Variants in ATRN observed in about 807,000 individuals in gnomAD.
ATRN encodes attractin-2.
A neutral mutation model predicts 178.7 loss-of-function variants in ATRN; 54 were observed. That is an observed-to-expected ratio of 0.30 (90% CI 0.24 to 0.38). ATRN has a LOEUF of 0.38. Among genes scored for constraint, ATRN ranks in the 10% least tolerant of loss-of-function variants. The pLI is 1.00. For missense variants in ATRN, 1,443 were observed against 1,815.1 expected (o/e 0.79, Z 3.73); for synonymous variants, 636 against 663.0 (o/e 0.96, Z 0.63).
Position 3,491,505 on chromosome 20 carries a change from G to T in ATRN, c.410+19988G>T, listed in dbSNP as rs544890200. Among the ~76,000 whole-genome samples, 11 of 152,218 alleles carry T rather than the reference G, an allele frequency of 7.2e-5. 1 individual carries two copies. The South Asian group carries it at 2.3e-3, about 32-fold the overall frequency. ...TCATTTGCAGACTTTGTCTTCTTCTGGCTTCTAAAAGTTAGAGTTCTTCTG... is the reference window on the plus strand; with the variant it reads ...TCATTTGCAGACTTTGTCTTCTTCTTGCTTCTAAAAGTTAGAGTTCTTCTG... On this transcript the variant is annotated intron_variant, in intron 1 of 28. Coordinates refer to ENST00000262919, the MANE Select transcript of ATRN (RefSeq NM_139321.3).
chr20:3,541,618 A>T (rs1002848202), intron 3 of ATRN, among the ~76,000 whole-genome samples: 1 of 152,202 alleles, frequency 6.6e-6, no homozygotes, highest in Admixed American at 6.5e-5. Context: ...AAGTATTTGT[A>T]TATCTAAACA....
chr20:3,501,003 G>A (rs2084956465), intron 1 of ATRN, among the ~76,000 whole-genome samples: 1 of 152,002 alleles, frequency 6.6e-6, no homozygotes, highest in African/African-American at 2.4e-5. Context: ...TCTTTCAAAT[G>A]ACTTTGAAAC....
intron 25 of ATRN, among the ~76,000 whole-genome samples, chr20:3,624,903 G>A (rs971896992): frequency 1.3e-5 from 2 of 152,114 alleles, no homozygotes; most frequent in Admixed American, 1.3e-4. Flanking sequence ...ATTAATAATG[G>A]TTACTGATGT....
intron 24 of ATRN, among the ~76,000 whole-genome samples, chr20:3,619,161 C>T (rs1195441309): frequency 6.6e-6 from 1 of 152,210 alleles, no homozygotes; most frequent in Non-Finnish European, 1.5e-5. Context: ...GGAAAGACTT[C>T]ACCTCACAGG....
intron 24 of ATRN, among the ~76,000 whole-genome samples, chr20:3,623,127 G>A (rs566098786): frequency 6.6e-6 from 1 of 152,278 alleles, no homozygotes; most frequent in African/African-American, 2.4e-5. Context: ...CTCTCTTTAT[G>A]TGTTATAACT....
At chr20:3,487,699 G>T (rs541163785) in intron 1 of ATRN, among the ~76,000 whole-genome samples, 81 of 152,228 alleles carry the variant, frequency 5.3e-4, no homozygotes, top group African/African-American at 1.8e-3. Flanking sequence ...ATCTTTGGGG[G>T]TATTCTGACC....
intron 25 of ATRN, among the ~76,000 whole-genome samples, chr20:3,626,152 A>C (rs1165399532): frequency 6.6e-6 from 1 of 150,522 alleles, no homozygotes; most frequent in African/African-American, 2.5e-5. Context: ...GAATGGCTTG[A>C]GCCTAGGAGG....
chr20:3,507,754 G>A (rs1346419409), intron 1 of ATRN, among the ~76,000 whole-genome samples: 1 of 141,998 alleles, frequency 7.0e-6, no homozygotes, highest in Non-Finnish European at 1.5e-5. Flanking sequence ...GCTGGATCTC[G>A]GCTCACTGCA....
At chr20:3,640,239 T>G (rs2087057426) in intron 27 of ATRN, among the ~76,000 whole-genome samples, 1 of 152,156 alleles carries the variant, frequency 6.6e-6, no homozygotes. Context: ...TAAACTCAAT[T>G]TACATGTTAA....
At chr20:3,521,063 C>CA (rs1485266521) in intron 1 of ATRN, among the ~76,000 whole-genome samples, 1 of 151,928 alleles carries the variant, frequency 6.6e-6, no homozygotes, top group Non-Finnish European at 1.5e-5. Context: ...CATGTGGACA[C>CA]AAAGATGGGA....
intron 1 of ATRN, among the ~76,000 whole-genome samples, chr20:3,506,338 C>T (rs749750772): frequency 3.9e-5 from 6 of 152,154 alleles, no homozygotes; most frequent in African/African-American, 9.6e-5. Flanking sequence ...AAAGTAAATG[C>T]ACTGGCCTGG....
intron 1 of ATRN, among the ~76,000 whole-genome samples, chr20:3,478,312 C>G (rs982070022): frequency 2.0e-5 from 3 of 152,116 alleles, no homozygotes; most frequent in Non-Finnish European, 1.5e-5. Flanking sequence ...GATGGGCTAT[C>G]CAGCCCATCA....
Position 3,485,646 on chromosome 20 carries a change from G to C in ATRN, c.410+14129G>C, listed in dbSNP as rs531350280. On this transcript the variant is annotated intron_variant, in intron 1 of 28. Transcript: ENST00000262919. ...TTTTTTTTTTTTTTTTTTTGAGTTG[G>C]AGTCTTGCCCTGTCGTCCAGGCTGG... Among the ~76,000 whole-genome samples, 3 of 81,344 alleles carry C rather than the reference G, an allele frequency of 3.7e-5. No homozygotes were observed. The East Asian group carries it at 1.0e-3, about 27-fold the overall frequency. 53.4% of individuals were successfully genotyped at this position (81,344 alleles called of 152,430 possible).
At chr20:3,591,607 A>G (rs1441132791) in intron 19 of ATRN, among the ~76,000 whole-genome samples, 2 of 152,158 alleles carry the variant, frequency 1.3e-5, no homozygotes, top group Admixed American at 1.3e-4. Flanking sequence ...CTCCCATTGA[A>G]CAGGGCACAG....
intron 24 of ATRN, among the ~76,000 whole-genome samples, chr20:3,623,001 G>T (rs543109267): frequency 6.6e-6 from 1 of 152,342 alleles, no homozygotes; most frequent in South Asian, 2.1e-4. Flanking sequence ...TTGGCATCTA[G>T]CAGGGAGTAA....
Position 3,591,288 on chromosome 20 carries a change from A to G in ATRN, c.3304A>G (p.Asn1102Asp). Residue 1102 changes from asparagine (N) to aspartate (D), a missense_variant, in exon 19 of 29, where the codon AAT becomes GAT. Asn to Asp is a conservative substitution (Grantham distance 23, BLOSUM62 1). Coordinates refer to ENST00000262919, the MANE Select transcript of ATRN (RefSeq NM_139321.3). ...ATCTGGCTTCTACGGTGATCCCACC[A>G]ATGGAGGGAAATGTCAGCGTAAGTC... ...CISGFYGDPT[N>D]GGKCQPCKCN... 1 of 1,613,892 alleles carries G rather than the reference A, an allele frequency of 6.2e-7. No homozygotes were observed. The highest frequency in any genetic ancestry group is 1.3e-5 in the African/African-American group (1 of 75,052).
intron 1 of ATRN, among the ~76,000 whole-genome samples, chr20:3,474,475 G>A (rs572819178): frequency 1.3e-5 from 2 of 152,116 alleles, no homozygotes; most frequent in Admixed American, 6.5e-5. Context: ...TTGGGAGGCC[G>A]AGGCGGTGTA....
chr20:3,546,912 GA>G (rs1266781265), intron 4 of ATRN, among the ~76,000 whole-genome samples: 3 of 152,274 alleles, frequency 2.0e-5, no homozygotes, highest in Admixed American at 6.5e-5. Context: ...TTCCAAGCAT[GA>G]ATTCAGCAAC....
chr20:3,554,303 A>ATTTTTATT (rs2085830997), intron 6 of ATRN, among the ~76,000 whole-genome samples: 1 of 111,092 alleles, frequency 9.0e-6, no homozygotes, highest in Admixed American at 9.9e-5. Flanking sequence ...TAGATTACAG[A>ATTTTTATT]TTTTTATTTA....
Sources: allele counts gnomAD v4.1 joint callset (sites outside exome capture counted in the v4.1 genomes callset), GRCh38; gene constraint gnomAD v4.1.1; transcripts MANE v1.5; gene names NCBI Gene and HGNC (gene_info 2026-07-23, HGNC 2026-07-21).